The following MRGPRX1 variants were observed in gnomAD, a reference collection of about 807,000 sequenced individuals.
MRGPRX1 encodes the protein MAS related GPR family member X1, also known as mas-related G protein-coupled receptor member X1.
For synonymous variants in MRGPRX1, 208 were observed against 170.4 expected (o/e 1.22, Z -1.72); for missense variants, 411 against 393.8 (o/e 1.04, Z -0.37).
Position 18,934,624 on chromosome 11 carries a change from C to T in MRGPRX1, c.161G>A (p.Cys54Tyr), listed in dbSNP as rs747131576. ...GNAVVLWLLG[C>Y]RMRRNAFSIY... is the part of the protein sequence containing the mutation. The stretch of plus-strand genomic sequence containing the variant: ...GGAGAAGGCGTTCCTGCGCATGCGG[C>T]AGCCCAGGAGCCAGAGCACAACTGC... Residue 54 changes from cysteine to tyrosine, a missense_variant, in exon 2 of 2, where the codon TGC becomes TAC. Transcript: ENST00000526914. 5 of 1,610,400 alleles carry T rather than the reference C, an allele frequency of 3.1e-6. No homozygotes were observed. The highest frequency in any genetic ancestry group is 4.2e-6 in the Non-Finnish European group (5 of 1,178,056).
Position 18,934,305 on chromosome 11 carries a change from T to A in MRGPRX1, c.480A>T (p.Leu160Phe). ...CAGCACCACTGAACAGGAAGCCACA[T>A]AACATCCACTCCAGGATGCTCCGCA... The part of the protein sequence containing the change: ...SLLRSILEWM[L>F]CGFLFSGADS... Residue 160 changes from leucine (L) to phenylalanine (F), a missense_variant, in exon 2 of 2, where the codon TTA becomes TTT. Coordinates refer to ENST00000526914, the MANE Select transcript of MRGPRX1 (RefSeq NM_001393578.1). The A allele has an allele frequency of 5.6e-6, 9 of 1,610,576 alleles. No homozygotes were observed. The highest frequency in any genetic ancestry group is 7.6e-6 in the Non-Finnish European group (9 of 1,178,132).
Position 18,934,139 on chromosome 11 carries a change from C to G in MRGPRX1, c.646G>C (p.Val216Leu). The change falls in exon 2 of 2, where the codon GTG becomes CTG. Residue 216 changes from valine (V) to leucine (L), a missense_variant. By Grantham distance (32) the Val-to-Leu change is conservative. Coordinates refer to ENST00000526914, the MANE Select transcript of MRGPRX1 (RefSeq NM_001393578.1). ...SRKIPLTRLY[V>L]TILLTVLVFL... ...ACCAGTACTGTGAGCAGGATGGTCACGTACAGCCTGGTCAGCGGTATCTTC... is the reference window on the plus strand; with the variant it reads ...ACCAGTACTGTGAGCAGGATGGTCAGGTACAGCCTGGTCAGCGGTATCTTC... The G allele has an allele frequency of 5.0e-6, 8 of 1,610,926 alleles. No homozygotes were observed. Among genetic ancestry groups the G allele is most frequent in the East Asian group, 2.2e-5 (1 of 44,784 alleles).
At position 18,933,864 on chromosome 11, in the gene MRGPRX1, C is replaced by T. The variant is rs1564973357; in HGVS notation, c.921G>A (p.Gln307=). The stretch of plus-strand genomic sequence containing the variant: ...ACAGCTCCAGGATTTCCTCAGGAAG[C>T]TGCCCTCCACCTTCATCCACCTCAG... ...DASEVDEGGG[Q]LPEEILELSG... The change falls in exon 2 of 2, where the codon CAG becomes CAA. Residue 307 remains glutamine, a synonymous_variant. Transcript: ENST00000526914. 1.9e-6 allele frequency: 3 copies of T among 1,610,114 alleles called. No homozygotes were observed. Among genetic ancestry groups the T allele is most frequent in the Admixed American group, 3.4e-5 (2 of 59,114 alleles).
chr11:18,936,103 A>G (rs1848838484), intron 1 of MRGPRX1, among the ~76,000 whole-genome samples: 1 of 151,420 alleles, frequency 6.6e-6, no homozygotes, highest in Non-Finnish European at 1.5e-5. Context: ...ATGCATTGGA[A>G]CACAAAAAGA....
intron 1 of MRGPRX1, among the ~76,000 whole-genome samples, chr11:18,935,620 C>T (rs899332711): frequency 1.3e-5 from 2 of 151,392 alleles, no homozygotes; most frequent in Non-Finnish European, 3.0e-5. Flanking sequence ...AAAATAAGGA[C>T]TCAGTGTGGC....
rs544591855 is a variant in MRGPRX1 at position 18,934,300 on chromosome 11, C to T, written c.485G>A (p.Gly162Asp). Residue 162 changes from glycine to aspartate, a missense_variant, in exon 2 of 2, where the codon GGC (glycine) becomes GAC (aspartate). Coordinates refer to ENST00000526914, the MANE Select transcript of MRGPRX1 (RefSeq NM_001393578.1). Reference protein sequence around the residue: ...LRSILEWMLCGFLFSGADSAW... With the variant: ...LRSILEWMLCDFLFSGADSAW... ...AGAATCAGCACCACTGAACAGGAAG[C>T]CACATAACATCCACTCCAGGATGCT... The T allele has an allele frequency of 1.3e-5, 21 of 1,610,708 alleles. 1 individual carries two copies. In the South Asian group the frequency reaches 1.5e-4, roughly 12 times the overall value.
In MRGPRX1 at chr11:18,933,779, C is replaced by T. The variant is rs1302032658; in HGVS notation, c.*37G>A. On this transcript the variant is annotated 3_prime_UTR_variant, in exon 2 of 2. Coordinates refer to ENST00000526914, the MANE Select transcript of MRGPRX1 (RefSeq NM_001393578.1). ...TGTCAAGGGTGGCAGGGCAGTGTTGCTCTCAAAGTCCTGTCTGACAGGGCA... is the reference window on the plus strand; with the variant it reads ...TGTCAAGGGTGGCAGGGCAGTGTTGTTCTCAAAGTCCTGTCTGACAGGGCA... 7.7e-6 allele frequency: 12 copies of T among 1,565,262 alleles called. No homozygotes were observed. Among genetic ancestry groups the T allele is most frequent in the East Asian group, 6.8e-5 (3 of 44,274 alleles).
In MRGPRX1 at chr11:18,934,549, C is replaced by A; in HGVS notation, c.236G>T (p.Arg79Leu). The A allele has an allele frequency of 6.2e-7, 1 of 1,609,814 alleles. No individual in the cohort carries two copies. The highest frequency in any genetic ancestry group is 8.5e-7 in the Non-Finnish European group (1 of 1,177,754). ...GAAGCTTAACAGGGAATATATAAGG[C>A]GGCCGCTGAGGAAGAGGAAGTCTGC... The part of the protein sequence containing the change: ...AAADFLFLSG[R>L]LIYSLLSFIS... The change falls in exon 2 of 2, where the codon CGC becomes CTC. Residue 79 changes from arginine (R) to leucine (L), a missense_variant. Arg to Leu is a moderately radical substitution (Grantham distance 102). Coordinates refer to ENST00000526914, the MANE Select transcript of MRGPRX1 (RefSeq NM_001393578.1).
intron 1 of MRGPRX1, 85 bp from the exon 2 acceptor site, chr11:18,934,894 T>C: frequency 7.2e-7 from 1 of 1,383,982 alleles, no homozygotes; most frequent in Non-Finnish European, 9.8e-7. Context: ...TACTTCCTCA[T>C]TTAAAGAGGG....
rs1372353931 is a variant in MRGPRX1 at position 18,933,662 on chromosome 11, G to A, written c.*154C>T. Among the ~76,000 whole-genome samples, 4 of 151,496 alleles carry A rather than the reference G, an allele frequency of 2.6e-5. No homozygotes were observed. Among genetic ancestry groups the A allele is most frequent in the Non-Finnish European group, 2.9e-5 (2 of 67,814 alleles). ...CTAATGCTTTCCATGGGTGAAAACC[G>A]CAACTGTCAGGTTAGATAAACATCT... is the stretch of plus-strand genomic sequence containing the variant. On this transcript the variant is annotated 3_prime_UTR_variant, in exon 2 of 2. Coordinates refer to ENST00000526914, the MANE Select transcript of MRGPRX1 (RefSeq NM_001393578.1).
rs1466165180 is a variant in MRGPRX1, at chr11:18,937,432, C to G, written c.-26+1848G>C. Among the ~76,000 whole-genome samples, 4 of 151,478 alleles carry G rather than the reference C, an allele frequency of 2.6e-5. 2 individuals are homozygous for G. The highest frequency in any genetic ancestry group is 4.8e-5 in the African/African-American group (2 of 41,292). On this transcript the variant is annotated intron_variant, in intron 1 of 1. Transcript: ENST00000526914. The stretch of plus-strand genomic sequence containing the variant: ...CTGCTACCCCAGCACACACCAAAAT[C>G]TGCAGATGCTCAATTTCCTTATATA...
chr11:18,933,966 G>A lies in MRGPRX1; in HGVS notation c.819C>T (p.Phe273=). 6.2e-7 allele frequency: 1 copy of A among 1,610,980 alleles called. No individual in the cohort carries two copies. Among genetic ancestry groups the A allele is most frequent in the Non-Finnish European group, 8.5e-7 (1 of 1,178,254 alleles). ...LNSSANPIIY[F]FVGSFRQRQN... is the part of the protein sequence containing the mutation. ...GACGCTGCCTAAAGGAGCCCACGAA[G>A]AAGTAAATGATGGGGTTGGCACTGC... Residue 273 remains phenylalanine (F), a synonymous_variant, in exon 2 of 2, where the codon TTC becomes TTT. Transcript: ENST00000526914.
Position 18,933,599 on chromosome 11 carries a change from G to A in MRGPRX1, c.*217C>T, listed in dbSNP as rs1039052442. Among the ~76,000 whole-genome samples the A allele has an allele frequency of 6.6e-6, 1 of 151,434 alleles. No individual in the cohort carries two copies. Among genetic ancestry groups the A allele is most frequent in the African/African-American group, 2.4e-5 (1 of 41,282 alleles). On this transcript the variant is annotated 3_prime_UTR_variant, in exon 2 of 2. Transcript: ENST00000526914. ...TGTGAGATAACAGGGAAAATGTGTT[G>A]GTAATATCAAGGAGAATCTAAACAT...
At chr11:18,937,963 G>A (rs80061289) in intron 1 of MRGPRX1, among the ~76,000 whole-genome samples, 4,530 of 151,414 alleles carry the variant, frequency 0.03, 190 homozygotes, top group African/African-American at 0.056. Flanking sequence ...ACTGTCCCAG[G>A]AATTAGGAGG....
At chr11:18,934,842 G>C (rs1334403712) in intron 1 of MRGPRX1, 33 bp from the exon 2 acceptor site, 1 of 1,509,872 alleles carries the variant, frequency 6.6e-7, no homozygotes, top group Admixed American at 2.2e-5. Context: ...ATCACCAGCT[G>C]TATGATCTCT....
At chr11:18,934,859 C>G in intron 1 of MRGPRX1, 50 bp from the exon 2 acceptor site, 2 of 1,479,468 alleles carry the variant, frequency 1.4e-6, no homozygotes, top group Non-Finnish European at 1.8e-6. Context: ...CTCTGATTCT[C>G]CCCACCACCC....
chr11:18,934,563 G>T lies in MRGPRX1; in HGVS notation c.222C>A (p.Leu74=). ...AATATATAAGGCGGCCGCTGAGGAA[G>T]AGGAAGTCTGCTGCGGCCAAGTTGA... is the stretch of plus-strand genomic sequence containing the variant. The part of the protein sequence containing the change: ...YILNLAAADF[L]FLSGRLIYSL... The change falls in exon 2 of 2, where the codon CTC becomes CTA. Residue 74 remains leucine (L), a synonymous_variant. Transcript: ENST00000526914. 1 of 1,609,824 alleles carries T rather than the reference G, an allele frequency of 6.2e-7. No homozygotes were observed. The highest frequency in any genetic ancestry group is 1.1e-5 in the South Asian group (1 of 90,618).
rs754471747 is a variant in MRGPRX1, at chr11:18,934,597, A to G, written c.188T>C (p.Ile63Thr). The G allele has an allele frequency of 1.2e-6, 2 of 1,609,872 alleles. No individual in the cohort carries two copies. Among genetic ancestry groups the G allele is most frequent in the South Asian group, 2.2e-5 (2 of 90,632 alleles). ...TGCTGCGGCCAAGTTGAGGATGTAG[A>G]TGGAGAAGGCGTTCCTGCGCATGCG... ...GCRMRRNAFS[I>T]YILNLAAADF... The change falls in exon 2 of 2, where the codon ATC becomes ACC. Residue 63 changes from isoleucine to threonine, a missense_variant. By Grantham distance (89) the Ile-to-Thr change is moderately conservative. Coordinates refer to ENST00000526914, the MANE Select transcript of MRGPRX1 (RefSeq NM_001393578.1).
intron 1 of MRGPRX1, among the ~76,000 whole-genome samples, chr11:18,939,072 G>A (rs993924287): frequency 2.6e-5 from 4 of 151,430 alleles, no homozygotes; most frequent in African/African-American, 9.7e-5. Flanking sequence ...GAGGTGATAT[G>A]GACAGATAAA....
Sources: allele counts gnomAD v4.1 joint callset (sites outside exome capture counted in the v4.1 genomes callset), GRCh38; gene constraint gnomAD v4.1.1; transcripts MANE v1.5; gene names NCBI Gene and HGNC (gene_info 2026-07-23, HGNC 2026-07-21).